RIMBP2: variants seen among roughly 807,000 people sequenced by gnomAD.
The protein encoded by RIMBP2 is RIMS-binding protein 2.
A neutral mutation model predicts 118.6 loss-of-function variants in RIMBP2; 48 were observed. That is an observed-to-expected ratio of 0.40 (90% confidence interval 0.32 to 0.51). The LOEUF (loss-of-function observed/expected upper bound fraction) is 0.51. Ranked by LOEUF, RIMBP2 falls within the 20% of genes least tolerant of loss-of-function variation. The pLI is 0.41. For synonymous variants in RIMBP2, 762 were observed against 742.9 expected, an observed-to-expected ratio of 1.03 and a Z score of -0.42; for missense variants, 1,551 against 1,768.3, an observed-to-expected ratio of 0.88 and a Z score of 2.20.
chr12:130,706,759 A>G (rs946012555), intron 1 of RIMBP2, among the ~76,000 whole-genome samples: 2 of 152,214 alleles, frequency 1.3e-5, no homozygotes, highest in Non-Finnish European at 2.9e-5. Context: ...TGAGGATTCA[A>G]TGAGGCCGGC....
intron 2 of RIMBP2, among the ~76,000 whole-genome samples, chr12:130,627,416 A>G (rs531622411): frequency 6.6e-6 from 1 of 152,352 alleles, no homozygotes; most frequent in South Asian, 2.1e-4. Flanking sequence ...TATTGCCCTG[A>G]GTTCAGATCA....
At chr12:130,580,389 AAGGGC>A (rs1453189827) in intron 2 of RIMBP2, among the ~76,000 whole-genome samples, 1 of 152,036 alleles carries the variant, frequency 6.6e-6, no homozygotes, top group East Asian at 1.9e-4. Context: ...GGTTTTATGA[AAGGGC>A]AGTTCCCCTG....
chr12:130,459,365 G>A (rs947497968), intron 6 of RIMBP2, among the ~76,000 whole-genome samples: 1 of 151,834 alleles, frequency 6.6e-6, no homozygotes, highest in Non-Finnish European at 1.5e-5. Context: ...CTGCTCCCAC[G>A]CCAGCTTCCC....
At chr12:130,656,906 C>CA (rs934498884) in intron 1 of RIMBP2, among the ~76,000 whole-genome samples, 4 of 150,574 alleles carry the variant, frequency 2.7e-5, no homozygotes, top group Admixed American at 6.6e-5. Flanking sequence ...GATACCCTGT[C>CA]AAAAAAAAAT....
intron 3 of RIMBP2, among the ~76,000 whole-genome samples, chr12:130,517,481 G>A (rs2051596357): frequency 6.6e-6 from 1 of 152,126 alleles, no homozygotes; most frequent in African/African-American, 2.4e-5. Context: ...CAGCGCCCAG[G>A]AGGCCCCATC....
At chr12:130,473,446 C>G (rs1330636262) in intron 5 of RIMBP2, among the ~76,000 whole-genome samples, 1 of 152,160 alleles carries the variant, frequency 6.6e-6, no homozygotes, top group Non-Finnish European at 1.5e-5. Flanking sequence ...GGGGGGATGG[C>G]GCTCACAGAA....
At chr12:130,408,157 C>T (rs1211325702) in intron 19 of RIMBP2, among the ~76,000 whole-genome samples, 2 of 152,212 alleles carry the variant, frequency 1.3e-5, no homozygotes, top group African/African-American at 4.8e-5. Context: ...CTTTGGCCAG[C>T]ACGGGGAGGC....
At chr12:130,713,654 T>C (rs960769746) in intron 1 of RIMBP2, among the ~76,000 whole-genome samples, 2 of 152,064 alleles carry the variant, frequency 1.3e-5, no homozygotes, top group African/African-American at 4.8e-5. Context: ...TTCCAAACCT[T>C]GGGGCAGAAG....
In RIMBP2 at chr12:130,450,959, G is replaced by A. The variant is rs539036055; in HGVS notation, c.504+236C>T. On this transcript the variant is annotated intron_variant, in intron 8 of 22. Transcript: ENST00000690449. The surrounding 1 kb of genome is among the most constrained non-coding windows in gnomAD (Gnocchi z 4.8). ...GATTTGCTTTTCTAAACGCTGCCTCGCCAGTGTTCTCTCTGCTCCCCCTTA... is the reference window on the plus strand; with the variant it reads ...GATTTGCTTTTCTAAACGCTGCCTCACCAGTGTTCTCTCTGCTCCCCCTTA... Among the ~76,000 whole-genome samples, 8 of 152,240 alleles carry A rather than the reference G, an allele frequency of 5.3e-5. No homozygotes were observed. Among genetic ancestry groups the A allele is most frequent in the South Asian group, 4.1e-4 (2 of 4,822 alleles).
rs940249114 is a variant in RIMBP2 at position 130,576,198 on chromosome 12, A to G, written c.-217+52124T>C. On this transcript the variant is annotated intron_variant, in intron 2 of 22. Coordinates refer to ENST00000690449, the MANE Select transcript of RIMBP2 (RefSeq NM_001393629.1). The surrounding 1 kb of genome is among the most constrained non-coding windows in gnomAD (Gnocchi z 4.2). ...GGTAGGAACCTTGCTTTGTATCCTG[A>G]GCATGAGAAGACGTCTTTTTTACCT... is the stretch of plus-strand genomic sequence containing the variant. Among the ~76,000 whole-genome samples, 1 of 152,184 alleles carries G rather than the reference A, an allele frequency of 6.6e-6. No individual in the cohort carries two copies. Among genetic ancestry groups the G allele is most frequent in the Non-Finnish European group, 1.5e-5 (1 of 68,030 alleles).
At position 130,437,282 on chromosome 12, in the gene RIMBP2, C is replaced by A; in HGVS notation, c.1666G>T (p.Val556Phe). The change falls in exon 13 of 23, where the codon GTC (valine) becomes TTC (phenylalanine). Residue 556 changes from valine to phenylalanine, a missense_variant. Physicochemically the swap from Val to Phe is conservative, Grantham distance 50. Transcript: ENST00000690449. ...GTGCTGTCTGCCGTGGGGAAGATGA[C>A]TTCAGCCACCTGTGGACAAGCAGAG... is the stretch of plus-strand genomic sequence containing the variant. ...VYAKGQRVAE[V>F]IFPTADSTAV... 1 of 1,576,352 alleles carries A rather than the reference C, an allele frequency of 6.3e-7. No homozygotes were observed.
At chr12:130,535,788 T>C (rs59834126) in intron 2 of RIMBP2, among the ~76,000 whole-genome samples, 47,842 of 142,056 alleles carry the variant, frequency 0.34, 9,148 homozygotes, top group Non-Finnish European at 0.42. Flanking sequence ...TATATACACA[T>C]ATTTTTTTGA....
At chr12:130,466,594 T>C (rs1451628344) in intron 6 of RIMBP2, among the ~76,000 whole-genome samples, 1 of 152,186 alleles carries the variant, frequency 6.6e-6, no homozygotes, top group Non-Finnish European at 1.5e-5. Context: ...CTGGGAACCG[T>C]GTCAGCAAAC....
rs780735269 is a variant in RIMBP2 at position 130,434,933 on chromosome 12, C to T, written c.2107-53G>A. On this transcript the variant is annotated intron_variant, in intron 13 of 22. Transcript: ENST00000690449. This position sits in a 1 kb window ranked among gnomAD's most constrained non-coding sequence, Gnocchi z 5.7. ...TGAGGCAGGGCCACCTTCAGCTACG[C>T]TCAGCCCCACCTGCATTCACCAAAC... 63 of 1,549,208 alleles carry T rather than the reference C, an allele frequency of 4.1e-5. No individual in the cohort carries two copies. The highest frequency in any genetic ancestry group is 2.1e-4 in the East Asian group (9 of 43,208).
intron 7 of RIMBP2, among the ~76,000 whole-genome samples, chr12:130,455,171 A>G (rs1009822678): frequency 6.6e-6 from 1 of 152,258 alleles, no homozygotes; most frequent in Admixed American, 6.5e-5. Context: ...GGAGAGAGAC[A>G]GCATGGAGAC....
chr12:130,441,845 C>T lies in RIMBP2; in HGVS notation c.1504+3G>A. ...GGGACCCACGGAAGGACACAGGGCT[C>T]ACCTGCAGGCAACGTGGAGAACTCC... On this transcript the variant is annotated splice_donor_region_variant and intron_variant, in intron 11 of 22. Transcript: ENST00000690449. 2 of 1,612,758 alleles carry T rather than the reference C, an allele frequency of 1.2e-6. No individual in the cohort carries two copies. Among genetic ancestry groups the T allele is most frequent in the Non-Finnish European group, 1.7e-6 (2 of 1,179,440 alleles).
intron 2 of RIMBP2, among the ~76,000 whole-genome samples, chr12:130,539,389 G>A (rs2054362433): frequency 6.6e-6 from 1 of 152,222 alleles, no homozygotes; most frequent in African/African-American, 2.4e-5. Flanking sequence ...GATCAAAGAA[G>A]GTGATGTCTG....
At chr12:130,470,665 G>A (rs947028750) in intron 6 of RIMBP2, 28 bp downstream of exon 6, 34 of 1,223,924 alleles carry the variant, frequency 2.8e-5, no homozygotes, top group Middle Eastern at 3.1e-4. Context: ...CCCCACCCCC[G>A]GGCAGAAAGC....
chr12:130,594,032 A>G (rs1164488904), intron 2 of RIMBP2, among the ~76,000 whole-genome samples: 1 of 152,218 alleles, frequency 6.6e-6, no homozygotes, highest in African/African-American at 2.4e-5. Flanking sequence ...TGATCCATAA[A>G]ACATTCAACA....
Sources: allele counts gnomAD v4.1 joint callset (sites outside exome capture counted in the v4.1 genomes callset), GRCh38; gene constraint gnomAD v4.1.1; non-coding constraint Gnocchi (gnomAD v3.1); transcripts MANE v1.5; gene names NCBI Gene and HGNC (gene_info 2026-07-23, HGNC 2026-07-21).